Variants in VDAC2 observed in about 807,000 individuals in gnomAD.
VDAC2 encodes the protein non-selective voltage-gated ion channel VDAC2.
VDAC2 carries 6 observed loss-of-function variants against 36.6 expected under a neutral mutation model. That is an observed-to-expected ratio of 0.16 (90% CI 0.09 to 0.32). The LOEUF is 0.32. Among genes scored for constraint, VDAC2 ranks in the 10% least tolerant of loss-of-function variants. VDAC2 has a pLI of 1.00. For missense variants in VDAC2, 247 were observed against 346.0 expected, an observed-to-expected ratio of 0.71 and a Z score of 2.27; for synonymous variants, 109 against 123.8, an observed-to-expected ratio of 0.88 and a Z score of 0.79.
At chr10:75,227,977 C>T (rs1215790982) in intron 8 of VDAC2, among the ~76,000 whole-genome samples, 1 of 151,784 alleles carries the variant, frequency 6.6e-6, no homozygotes, top group Non-Finnish European at 1.5e-5. Context: ...TCACTGCAAC[C>T]TCCGCCTCCC....
At chr10:75,211,016 A>C in intron 1 of VDAC2, 78 bp downstream of exon 1, 1 of 943,988 alleles carries the variant, frequency 1.1e-6, no homozygotes, top group South Asian at 2.1e-5. Context: ...CCGGACTCGG[A>C]GTCGGCCCTG....
rs112184579 is a variant in VDAC2 at position 75,218,104 on chromosome 10, A to AT, written c.151-957dup. ...ATGCTGTCTCAAAAAAAAAAAAAAA[A>AT]TTCAGATAAGCCCTCCGTATTTTTT... On this transcript the variant is annotated intron_variant, in intron 4 of 9. Transcript: ENST00000332211. 5 of 386,822 alleles carry AT rather than the reference A, an allele frequency of 1.3e-5. No individual in the cohort carries two copies. In the East Asian group the frequency reaches 3.1e-4, roughly 24 times the overall value. The allele number at this position is 386,822 out of a possible 1,614,324, so 24.0% of individuals were successfully genotyped here.
chr10:75,218,216 T>G (rs976228398), intron 4 of VDAC2: 2 of 270,260 alleles, frequency 7.4e-6, no homozygotes, highest in Admixed American at 4.8e-5. Context: ...AGTGCAGTGG[T>G]GGGATTATGG....
chr10:75,221,205 A>G (rs967275621), intron 7 of VDAC2, among the ~76,000 whole-genome samples: 1 of 152,102 alleles, frequency 6.6e-6, no homozygotes, highest in African/African-American at 2.4e-5. Flanking sequence ...TGTGCTTTGT[A>G]TTTTTACAAG....
intron 8 of VDAC2, among the ~76,000 whole-genome samples, chr10:75,222,979 CTTT>C (rs34279627): frequency 7.2e-6 from 1 of 137,998 alleles, no homozygotes; most frequent in Admixed American, 7.4e-5. Flanking sequence ...ATCACTTTGT[CTTT>C]TTTTTTTTTT....
intron 9 of VDAC2, among the ~76,000 whole-genome samples, chr10:75,230,140 C>T (rs998953197): frequency 2.0e-4 from 30 of 152,266 alleles, no homozygotes; most frequent in Middle Eastern, 3.4e-3. Flanking sequence ...TCTAGAACAG[C>T]GCTTCTCCAA....
intron 8 of VDAC2, 66 bp from the exon 9 acceptor site, chr10:75,229,577 GA>G (rs1395599974): frequency 5.6e-6 from 7 of 1,242,864 alleles, no homozygotes; most frequent in Non-Finnish European, 8.0e-6. Flanking sequence ...ACATGATGGG[GA>G]AACATGTAGG....
chr10:75,224,097 G>A (rs568550838), intron 8 of VDAC2, among the ~76,000 whole-genome samples: 120 of 152,324 alleles, frequency 7.9e-4, no homozygotes, highest in African/African-American at 2.9e-3. Context: ...CTGTTTAGAG[G>A]TGCCAGGTCA....
Position 75,219,106 on chromosome 10 carries a change from T to G in VDAC2, c.194T>G (p.Val65Gly). ...SGSSNTDTGKVTGTLETKYKW... is the reference protein window; with the variant it reads ...SGSSNTDTGKGTGTLETKYKW... The stretch of plus-strand genomic sequence containing the variant: ...TCATCTAATACAGACACTGGTAAAG[T>G]TACTGGGACCTTGGAGACCAAATAC... The change falls in exon 5 of 10, where the codon GTT (valine) becomes GGT (glycine). Residue 65 changes from valine to glycine, a missense_variant. Val to Gly is a moderately radical substitution (Grantham distance 109). Around this residue, in one of 3 missense-constraint regions of VDAC2, gnomAD observed 12 missense variants for 35.1 expected, o/e 0.34. Transcript: ENST00000332211. 1 of 1,612,394 alleles carries G rather than the reference T, an allele frequency of 6.2e-7. No homozygotes were observed. The highest frequency in any genetic ancestry group is 8.5e-7 in the Non-Finnish European group (1 of 1,179,662).
At position 75,214,073 on chromosome 10, in the gene VDAC2, G is replaced by T; in HGVS notation, c.150+3G>T. On this transcript the variant is annotated splice_donor_region_variant and intron_variant, in intron 4 of 9. Transcript: ENST00000332211. ...AAACAAAGTCTTGCAGTGGCGTGGT[G>T]AGTGTTACTGTTGAATAAGTTCTAT... The T allele has an allele frequency of 1.2e-6, 2 of 1,612,832 alleles. No individual in the cohort carries two copies. The highest frequency in any genetic ancestry group is 2.2e-5 in the South Asian group (2 of 90,996).
rs779605247 is a variant in VDAC2 at position 75,222,388 on chromosome 10, A to G, written c.721A>G (p.Thr241Ala). 6.2e-6 allele frequency: 10 copies of G among 1,614,002 alleles called. No homozygotes were observed. In the East Asian group the frequency reaches 1.3e-4, roughly 22 times the overall value. ...TGCAGCTAAATATCAGTTGGATCCC[A>G]CTGCTTCCATTTCTGTGAGTACTTT... is the stretch of plus-strand genomic sequence containing the variant. ...GIAAKYQLDP[T>A]ASISAKVNNS... Residue 241 changes from threonine (T) to alanine (A), a missense_variant, in exon 8 of 10, where the codon ACT becomes GCT. Transcript: ENST00000332211.
At chr10:75,229,865 GCT>G (rs1491407034) in intron 9 of VDAC2, among the ~76,000 whole-genome samples, 164 bp downstream of exon 9, 1 of 147,834 alleles carries the variant, frequency 6.8e-6, no homozygotes. Context: ...CTTTTTCTTT[GCT>G]TTTTTTTTTT....
At position 75,214,126 on chromosome 10, in the gene VDAC2, A is replaced by G. The variant is rs561186128; in HGVS notation, c.150+56A>G. 6 of 1,563,146 alleles carry G rather than the reference A, an allele frequency of 3.8e-6. No homozygotes were observed. The East Asian group carries it at 1.1e-4, about 29-fold the overall frequency. ...AACCTTTATAATTTTTCAACTTGTA[A>G]AATGGTCATAACTGAAAGATGTCTA... On this transcript the variant is annotated intron_variant, in intron 4 of 9. Transcript: ENST00000332211.
intron 7 of VDAC2, among the ~76,000 whole-genome samples, chr10:75,221,617 ATTG>A (rs1217323716): frequency 1.3e-5 from 2 of 151,816 alleles, no homozygotes; most frequent in Non-Finnish European, 2.9e-5. Flanking sequence ...GTGCCCGGCT[ATTG>A]TTGTTTTTTT....
At chr10:75,228,185 C>T (rs899169900) in intron 8 of VDAC2, among the ~76,000 whole-genome samples, 12 of 151,992 alleles carry the variant, frequency 7.9e-5, no homozygotes, top group African/African-American at 2.4e-4. Context: ...TGAGCCACTG[C>T]GCCTGGCCAA....
rs773689682 is a variant in VDAC2, at chr10:75,214,017, G to A, written c.101-4G>A. 6.2e-7 allele frequency: 1 copy of A among 1,613,070 alleles called. No individual in the cohort carries two copies. The highest frequency in any genetic ancestry group is 1.1e-5 in the South Asian group (1 of 91,026). On this transcript the variant is annotated splice_polypyrimidine_tract_variant and splice_region_variant and intron_variant, in intron 3 of 9. Coordinates refer to ENST00000332211, the MANE Select transcript of VDAC2 (RefSeq NM_001391963.1). ...TTGTTTCTTTTGCTGTCTATTTGTT[G>A]AAGGTTTTGGGTTGGTGAAACTGGA...
intron 8 of VDAC2, among the ~76,000 whole-genome samples, chr10:75,224,386 TGCTAGAGTGGCTCTA>T (rs540798458): frequency 6.6e-5 from 10 of 152,174 alleles, no homozygotes; most frequent in Non-Finnish European, 1.3e-4. Flanking sequence ...GATTGGGATT[TGCTAGAGTGGCTCTA>T]GCTAGAGTGG....
rs1449265591 is a variant in VDAC2 at position 75,220,725 on chromosome 10, A to G, written c.357-18A>G. 2 of 1,599,256 alleles carry G rather than the reference A, an allele frequency of 1.3e-6. No individual in the cohort carries two copies. Among genetic ancestry groups the G allele is most frequent in the Admixed American group, 1.7e-5 (1 of 59,026 alleles). ...TGTGTAAATTTTTCCCAATGACATC[A>G]GTTTGTTCTTTTTCCAGAAAGAAAA... On this transcript the variant is annotated intron_variant, in intron 6 of 9. Transcript: ENST00000332211.
chr10:75,211,001 C>A (rs1845021012), intron 1 of VDAC2, 63 bp downstream of exon 1: 1 of 836,064 alleles, frequency 1.2e-6, no homozygotes, highest in Non-Finnish European at 1.7e-6. Context: ...AGCCGGAGGC[C>A]CGCGCCGGAC....
Sources: allele counts gnomAD v4.1 joint callset (sites outside exome capture counted in the v4.1 genomes callset), GRCh38; gene constraint gnomAD v4.1.1; regional missense constraint gnomAD v4.1.1; transcripts MANE v1.5; gene names NCBI Gene and HGNC (gene_info 2026-07-23, HGNC 2026-07-21).